Variants in RELN observed in about 807,000 individuals in gnomAD.
RELN encodes the protein reelin.
In RELN, 108 loss-of-function variants were observed where a neutral mutation model predicts 427.6. That is an observed-to-expected ratio of 0.25 (90% CI 0.22 to 0.30). RELN has a LOEUF of 0.30. Among genes scored for constraint, RELN ranks in the 10% least tolerant of loss-of-function variants. The pLI is 1.00. For synonymous variants in RELN, 1,524 were observed against 1,513.4 expected, an observed-to-expected ratio of 1.01 and a Z score of -0.16; for missense variants, 3,715 against 4,302.8, an observed-to-expected ratio of 0.86 and a Z score of 3.82.
intron 3 of RELN, among the ~76,000 whole-genome samples, chr7:103,787,772 C>T (rs565088543): frequency 6.6e-6 from 1 of 152,190 alleles, no homozygotes; most frequent in East Asian, 1.9e-4. Flanking sequence ...GGAGCTGGTA[C>T]CATTCCTTCT....
chr7:103,753,786 C>T (rs376784512), intron 4 of RELN, among the ~76,000 whole-genome samples: 1 of 152,122 alleles, frequency 6.6e-6, no homozygotes, highest in Non-Finnish European at 1.5e-5. Flanking sequence ...CAAAAACCTA[C>T]AAGAAAAATT....
chr7:103,949,039 A>C (rs1358410051), intron 1 of RELN, among the ~76,000 whole-genome samples: 12 of 140,366 alleles, frequency 8.5e-5, no homozygotes, highest in Non-Finnish European at 1.4e-4. Context: ...AAAAAAAAAA[A>C]AAAAAAAACC....
At chr7:103,505,849 G>GT (rs1280911908) in intron 51 of RELN, among the ~76,000 whole-genome samples, 1 of 152,190 alleles carries the variant, frequency 6.6e-6, no homozygotes, top group African/African-American at 2.4e-5. Flanking sequence ...TTGAAAAAAG[G>GT]TTAGAGGGAC....
chr7:103,877,766 T>TG (rs1332305821), intron 2 of RELN, among the ~76,000 whole-genome samples: 1 of 151,994 alleles, frequency 6.6e-6, no homozygotes, highest in East Asian at 1.9e-4. Flanking sequence ...TTATTCAAAC[T>TG]GCAGTACTCT....
chr7:103,701,290 T>C lies in RELN; in HGVS notation c.806-284A>G, dbSNP rs17154462. On this transcript the variant is annotated intron_variant, in intron 8 of 64. Transcript: ENST00000428762. ...ATTGTAAAACAAATACTTAGTGCTATGCCAAGAAATAACTAAATATTATGG... is the reference window on the plus strand; with the variant it reads ...ATTGTAAAACAAATACTTAGTGCTACGCCAAGAAATAACTAAATATTATGG... Among the ~76,000 whole-genome samples the C allele has an allele frequency of 0.23, 34,320 of 152,022 alleles. 4,980 individuals are homozygous for C. The highest frequency in any genetic ancestry group is 0.41 in the African/African-American group (16,902 of 41,440).
At chr7:103,748,093 G>A (rs1393303845) in intron 6 of RELN, among the ~76,000 whole-genome samples, 2 of 146,976 alleles carry the variant, frequency 1.4e-5, no homozygotes, top group Admixed American at 6.8e-5. Flanking sequence ...AAAGCAAAAT[G>A]TCTGAAGGAA....
At chr7:103,687,226 C>T (rs1338347539) in intron 10 of RELN, among the ~76,000 whole-genome samples, 3 of 152,080 alleles carry the variant, frequency 2.0e-5, no homozygotes, top group African/African-American at 7.2e-5. Context: ...ATGTAAAATT[C>T]CAAAGAGCAG....
At chr7:103,929,454 G>A (rs537674187) in intron 1 of RELN, among the ~76,000 whole-genome samples, 2 of 152,226 alleles carry the variant, frequency 1.3e-5, no homozygotes, top group African/African-American at 4.8e-5. Context: ...AGCAAATATT[G>A]AACCATTTCT....
intron 8 of RELN, among the ~76,000 whole-genome samples, chr7:103,709,046 TTGAA>T (rs1425042309): frequency 1.3e-5 from 2 of 152,148 alleles, no homozygotes; most frequent in Non-Finnish European, 1.5e-5. Context: ...CAATGAACAC[TTGAA>T]TGAATGAAGG....
chr7:103,772,134 T>C (rs886862772), intron 4 of RELN, among the ~76,000 whole-genome samples: 2 of 152,196 alleles, frequency 1.3e-5, no homozygotes, highest in African/African-American at 4.8e-5. Flanking sequence ...TGTAGTTTAA[T>C]TGTTTGCTTA....
At chr7:103,938,495 ACAT>A (rs912299645) in intron 1 of RELN, among the ~76,000 whole-genome samples, 67 of 152,312 alleles carry the variant, frequency 4.4e-4, no homozygotes, top group African/African-American at 1.5e-3. Context: ...CTTAAATTTC[ACAT>A]CATATTTCTC....
intron 61 of RELN, 21 bp from the exon 62 acceptor site, chr7:103,483,871 A>G (rs199817600): frequency 1.1e-5 from 17 of 1,610,250 alleles, no homozygotes; most frequent in Admixed American, 3.3e-5. Flanking sequence ...CAGGGAAATC[A>G]TCTTTATTTT....
At chr7:103,633,127 T>C (rs950628513) in intron 19 of RELN, among the ~76,000 whole-genome samples, 3 of 152,132 alleles carry the variant, frequency 2.0e-5, no homozygotes, top group African/African-American at 4.8e-5. Context: ...GAATGAATCA[T>C]AGGCAAGCAA....
intron 50 of RELN, among the ~76,000 whole-genome samples, chr7:103,514,809 A>AT (rs71154350): frequency 0.034 from 5,245 of 152,292 alleles, 142 homozygotes; most frequent in South Asian, 0.15. Flanking sequence ...GCAAAACACA[A>AT]TATTTGTCTT....
At chr7:103,839,303 CTTTTTTTTTTT>C (rs34244913) in intron 2 of RELN, among the ~76,000 whole-genome samples, 1 of 121,210 alleles carries the variant, frequency 8.3e-6, no homozygotes, top group South Asian at 2.7e-4. Context: ...GTGGTCTTTG[CTTTTTTTTTTT>C]TTTTTTTTAA....
chr7:103,747,306 T>G (rs1477046911), intron 6 of RELN, among the ~76,000 whole-genome samples: 1 of 152,016 alleles, frequency 6.6e-6, no homozygotes, highest in African/African-American at 2.4e-5. Context: ...GAGATATATC[T>G]AATGCTAAAT....
At chr7:103,864,405 C>T (rs1177619240) in intron 2 of RELN, among the ~76,000 whole-genome samples, 5 of 152,156 alleles carry the variant, frequency 3.3e-5, no homozygotes, top group Non-Finnish European at 7.3e-5. Flanking sequence ...AGAAGTTACT[C>T]ACCTTGTATA....
chr7:103,804,652 A>G (rs1208754414), intron 3 of RELN, among the ~76,000 whole-genome samples: 1 of 152,200 alleles, frequency 6.6e-6, no homozygotes, highest in Admixed American at 6.5e-5. Context: ...ATAAGAAACA[A>G]GATCTTTCAG....
chr7:103,838,304 CAG>C (rs1203475052), intron 2 of RELN, among the ~76,000 whole-genome samples: 1 of 140,074 alleles, frequency 7.1e-6, no homozygotes, highest in Non-Finnish European at 1.6e-5. Context: ...GGAAAAAAAA[CAG>C]AAATTATAAC....
Sources: gnomAD v4.1 joint callset for allele counts (sites outside exome capture counted in the v4.1 genomes callset) on GRCh38, gnomAD v4.1.1 for gene constraint, MANE v1.5 for transcripts, NCBI Gene and HGNC (gene_info 2026-07-23, HGNC 2026-07-21) for gene names.